The following FAM24B variants were observed in gnomAD, a reference collection of about 807,000 sequenced individuals.
The protein encoded by FAM24B is protein FAM24B.
In FAM24B, 3 loss-of-function variants were observed where a neutral mutation model predicts 2.3. That is an observed-to-expected ratio of 1.29 (90% confidence interval 0.59 to 3.32). FAM24B has a LOEUF of 3.32. Among genes scored for constraint, FAM24B ranks in the 30% most tolerant of loss-of-function variants. FAM24B has a pLI of 0.03. For synonymous variants in FAM24B, 36 were observed against 46.3 expected, an observed-to-expected ratio of 0.78 and a Z score of 0.90; for missense variants, 98 against 117.2, an observed-to-expected ratio of 0.84 and a Z score of 0.76.
chr10:122,877,990 G>A (rs1005404157), intron 1 of FAM24B, among the ~76,000 whole-genome samples: 5 of 152,310 alleles, frequency 3.3e-5, no homozygotes, highest in Middle Eastern at 3.4e-3. Context: ...GAAAACAAAT[G>A]TGAGAATTAT....
intron 1 of FAM24B, among the ~76,000 whole-genome samples, chr10:122,873,785 T>TTCCCAACAAGCAA (rs1847937292): frequency 6.6e-6 from 1 of 152,254 alleles, no homozygotes. Flanking sequence ...TAAGCACTGC[T>TTCCCAACAAGCAA]CTTGTTGAAT....
At chr10:122,856,530 A>T (rs546818094) in intron 1 of FAM24B, among the ~76,000 whole-genome samples, 5 of 152,162 alleles carry the variant, frequency 3.3e-5, no homozygotes, top group Non-Finnish European at 7.3e-5. Flanking sequence ...TAAAGCCCTG[A>T]TTCTGCAGCT....
chr10:122,865,309 T>C (rs916633170), intron 1 of FAM24B, among the ~76,000 whole-genome samples: 1 of 152,268 alleles, frequency 6.6e-6, no homozygotes, highest in South Asian at 2.1e-4. Context: ...TTTGCTGAAT[T>C]TTTTTTATGA....
At chr10:122,877,521 A>C (rs997822486) in intron 1 of FAM24B, among the ~76,000 whole-genome samples, 5 of 152,174 alleles carry the variant, frequency 3.3e-5, no homozygotes, top group African/African-American at 1.2e-4. Context: ...AGTCTACAAT[A>C]GTGGTGTTAT....
At chr10:122,866,329 A>C (rs1303855656) in intron 1 of FAM24B, among the ~76,000 whole-genome samples, 1 of 152,092 alleles carries the variant, frequency 6.6e-6, no homozygotes, top group Middle Eastern at 3.2e-3. Context: ...TTTTCAAAGA[A>C]CCAGCTTTTG....
At chr10:122,865,931 G>A (rs2133835410) in intron 1 of FAM24B, among the ~76,000 whole-genome samples, 1 of 145,444 alleles carries the variant, frequency 6.9e-6, no homozygotes, top group South Asian at 2.2e-4. Context: ...TTTTTGAGAT[G>A]GAGTCTCTGT....
chr10:122,859,537 C>T (rs1002265768), intron 1 of FAM24B, among the ~76,000 whole-genome samples: 5 of 152,170 alleles, frequency 3.3e-5, no homozygotes, highest in Admixed American at 6.5e-5. Context: ...AGGGTTCAGA[C>T]CTTGTCTTGC....
chr10:122,871,631 C>A (rs1009807928), intron 1 of FAM24B, among the ~76,000 whole-genome samples: 1 of 152,024 alleles, frequency 6.6e-6, no homozygotes, highest in African/African-American at 2.4e-5. Context: ...GAAATAATGC[C>A]GCGTATCTAC....
intron 1 of FAM24B, among the ~76,000 whole-genome samples, chr10:122,876,011 T>C (rs1277303837): frequency 1.3e-5 from 2 of 152,214 alleles, no homozygotes; most frequent in East Asian, 1.9e-4. Context: ...AGGGAAGAAT[T>C]AGCAAGAAAT....
chr10:122,870,150 A>G (rs1480877609), intron 1 of FAM24B, among the ~76,000 whole-genome samples: 1 of 152,220 alleles, frequency 6.6e-6, no homozygotes, highest in Non-Finnish European at 1.5e-5. Flanking sequence ...AGAGAATACT[A>G]TAAACACCTC....
At chr10:122,870,585 A>C (rs544943513) in intron 1 of FAM24B, among the ~76,000 whole-genome samples, 56 of 152,336 alleles carry the variant, frequency 3.7e-4, no homozygotes, top group Non-Finnish European at 6.6e-4. Flanking sequence ...AAGCTTATCC[A>C]CCATGATCCA....
chr10:122,867,096 T>G (rs1165125280), intron 1 of FAM24B, among the ~76,000 whole-genome samples: 3 of 152,192 alleles, frequency 2.0e-5, no homozygotes, highest in African/African-American at 7.2e-5. Flanking sequence ...GTTTTAGTGG[T>G]CTGGATAGAA....
intron 1 of FAM24B, among the ~76,000 whole-genome samples, chr10:122,878,463 G>A (rs1848016087): frequency 6.7e-6 from 1 of 149,752 alleles, no homozygotes; most frequent in African/African-American, 2.5e-5. Context: ...AACCCAAGAG[G>A]CGGAAGTTGC....
chr10:122,858,922 C>T (rs1050811856), intron 1 of FAM24B, among the ~76,000 whole-genome samples: 4 of 152,206 alleles, frequency 2.6e-5, no homozygotes, highest in Non-Finnish European at 5.9e-5. Flanking sequence ...CTCTAGGGAT[C>T]TGACAATATA....
At chr10:122,862,219 C>T (rs1847735185) in intron 1 of FAM24B, among the ~76,000 whole-genome samples, 2 of 152,200 alleles carry the variant, frequency 1.3e-5, no homozygotes, top group African/African-American at 2.4e-5. Context: ...TGAACCCCCA[C>T]CTACAAGACA....
At chr10:122,871,471 A>G (rs1001566184) in intron 1 of FAM24B, among the ~76,000 whole-genome samples, 3 of 151,856 alleles carry the variant, frequency 2.0e-5, no homozygotes, top group African/African-American at 7.2e-5. Flanking sequence ...AAGAGCCCGC[A>G]TCGCCAAGTC....
At position 122,849,298 on chromosome 10, in the gene FAM24B, G is replaced by A; in HGVS notation, c.234C>T (p.Ala78=). 6.3e-7 allele frequency: 1 copy of A among 1,594,308 alleles called. No homozygotes were observed. The highest frequency in any genetic ancestry group is 1.3e-5 in the African/African-American group (1 of 74,360). The change falls in exon 4 of 4, where the codon GCC becomes GCT. Residue 78 remains alanine, a synonymous_variant. Coordinates refer to ENST00000368898, the MANE Select transcript of FAM24B (RefSeq NM_152644.3). ...LQCCEGYRMC[A]SFDSLPPCCC... is the part of the protein sequence containing the mutation. ...AGCAAGGTGGCAGGGAATCAAAACT[G>A]GCACACATTCTATATCCTTCACAGC...
intron 1 of FAM24B, among the ~76,000 whole-genome samples, chr10:122,865,218 A>C (rs999693494): frequency 5.9e-5 from 9 of 152,224 alleles, no homozygotes; most frequent in Non-Finnish European, 8.8e-5. Flanking sequence ...ATTCTAATAC[A>C]TACTTGTTAA....
intron 1 of FAM24B, among the ~76,000 whole-genome samples, chr10:122,869,388 T>C (rs1285489948): frequency 6.6e-6 from 1 of 152,102 alleles, no homozygotes; most frequent in East Asian, 1.9e-4. Flanking sequence ...GACAGAAAGT[T>C]AACAAGGATA....
Sources: allele counts gnomAD v4.1 joint callset (sites outside exome capture counted in the v4.1 genomes callset), GRCh38; gene constraint gnomAD v4.1.1; transcripts MANE v1.5; gene names NCBI Gene and HGNC (gene_info 2026-07-23, HGNC 2026-07-21).